NUGGC: variants seen among roughly 807,000 people sequenced by gnomAD.
NUGGC encodes the protein nuclear GTPase SLIP-GC.
NUGGC carries 58 observed loss-of-function variants against 92.6 expected under a neutral mutation model. That is an observed-to-expected ratio of 0.63 (90% CI 0.51 to 0.78). NUGGC has a LOEUF of 0.78. Ranked by LOEUF, NUGGC falls within the 30% of genes least tolerant of loss-of-function variation. NUGGC has a pLI of 0.00. For missense variants in NUGGC, 925 were observed against 964.6 expected (o/e 0.96, Z 0.54); for synonymous variants, 376 against 366.4 (o/e 1.03, Z -0.30).
At chr8:28,073,901 T>A (rs1167272885) in intron 2 of NUGGC, among the ~76,000 whole-genome samples, 1 of 151,974 alleles carries the variant, frequency 6.6e-6, no homozygotes, top group African/African-American at 2.4e-5. Context: ...TGGGTTCAAG[T>A]GATTCTCCTG....
At chr8:28,054,337 C>T (rs1191155664) in intron 10 of NUGGC, among the ~76,000 whole-genome samples, 1 of 152,108 alleles carries the variant, frequency 6.6e-6, no homozygotes, top group South Asian at 2.1e-4. Flanking sequence ...CAAAAATTAG[C>T]TGGGCATAGT....
chr8:28,066,916 T>C (rs1810452531), intron 6 of NUGGC, among the ~76,000 whole-genome samples: 1 of 152,166 alleles, frequency 6.6e-6, no homozygotes, highest in Non-Finnish European at 1.5e-5. Flanking sequence ...GGAAGGGCTG[T>C]GTGGCTCAGT....
At chr8:28,026,359 T>C (rs1052165832) in intron 18 of NUGGC, among the ~76,000 whole-genome samples, 1 of 152,204 alleles carries the variant, frequency 6.6e-6, no homozygotes, top group African/African-American at 2.4e-5. Context: ...GGTTACCCTC[T>C]CCAGTTTATA....
intron 2 of NUGGC, among the ~76,000 whole-genome samples, chr8:28,071,625 T>G (rs1484652517): frequency 6.6e-6 from 1 of 152,182 alleles, no homozygotes; most frequent in African/African-American, 2.4e-5. Flanking sequence ...CCCTTGGTTA[T>G]GAAGTGAAGG....
rs369994361 is a variant in NUGGC at position 28,033,560 on chromosome 8, A to G, written c.1749T>C (p.Pro583=). The G allele has an allele frequency of 1.1e-5, 17 of 1,613,334 alleles. No individual in the cohort carries two copies. Among genetic ancestry groups the G allele is most frequent in the East Asian group, 6.7e-5 (3 of 44,880 alleles). ...LTQPVYDQID[P]VFGSIFRTGK... ...TTTACCTAAAAATGCTTCCAAAAAC[A>G]GGGTCGATCTGGTCATAGACGGGCT... Residue 583 remains proline, a synonymous_variant, in exon 14 of 19, where the codon CCT becomes CCC. Coordinates refer to ENST00000413272, the MANE Select transcript of NUGGC (RefSeq NM_001010906.2).
intron 13 of NUGGC, 134 bp from the exon 14 acceptor site, chr8:28,033,831 A>G (rs1200692198): frequency 3.7e-6 from 3 of 819,932 alleles, no homozygotes; most frequent in Non-Finnish European, 3.9e-6. Context: ...CTTTAAATAT[A>G]TGATTAAACT....
intron 18 of NUGGC, among the ~76,000 whole-genome samples, chr8:28,025,255 C>T (rs1809227568): frequency 6.6e-6 from 1 of 152,222 alleles, no homozygotes; most frequent in South Asian, 2.1e-4. Flanking sequence ...CCAGGTAAGG[C>T]CCTGACAACA....
chr8:28,049,179 C>A (rs1809924948), intron 10 of NUGGC, among the ~76,000 whole-genome samples: 1 of 152,130 alleles, frequency 6.6e-6, no homozygotes, highest in Admixed American at 6.5e-5. Context: ...CCCTGGCAAG[C>A]TATAAGCACG....
chr8:28,073,202 G>A (rs1210559071), intron 2 of NUGGC, among the ~76,000 whole-genome samples: 2 of 140,684 alleles, frequency 1.4e-5, no homozygotes, highest in African/African-American at 2.7e-5. Context: ...TTCCAGTGAT[G>A]AGGTCTTGCT....
intron 18 of NUGGC, among the ~76,000 whole-genome samples, chr8:28,023,901 T>A (rs550310116): frequency 6.6e-6 from 1 of 152,084 alleles, no homozygotes; most frequent in Non-Finnish European, 1.5e-5. Flanking sequence ...GTTCTCACAA[T>A]GGTTAGTTTT....
chr8:28,027,549 T>C lies in NUGGC; in HGVS notation c.2155-497A>G, dbSNP rs546899189. ...CTGAGAAGTGTCTTCTTGCTACTCT[T>C]AGTCCTTTTATCAACTAAAACCCCT... is the stretch of plus-strand genomic sequence containing the variant. On this transcript the variant is annotated intron_variant, in intron 17 of 18. Coordinates refer to ENST00000413272, the MANE Select transcript of NUGGC (RefSeq NM_001010906.2). 1.9e-4 allele frequency among the ~76,000 whole-genome samples: 29 copies of C among 152,344 alleles called. No individual in the cohort carries two copies. In the South Asian group the frequency reaches 6.0e-3, roughly 32 times the overall value.
rs897124236 is a variant in NUGGC, at chr8:28,074,810, G to A, written c.-46-354C>T. On this transcript the variant is annotated intron_variant, in intron 1 of 18. Transcript: ENST00000413272. ...AAAAATTAGCCAGGCGTGGTGGTGG[G>A]TGCCCATAATCCCAGCTACTGGGGA... Among the ~76,000 whole-genome samples the A allele has an allele frequency of 2.6e-5, 4 of 152,260 alleles. No individual in the cohort carries two copies. In the South Asian group the frequency reaches 8.3e-4, roughly 32 times the overall value.
intron 6 of NUGGC, among the ~76,000 whole-genome samples, chr8:28,066,001 C>CCAA (rs369736784): frequency 0.73 from 110,144 of 151,592 alleles, 40,427 homozygotes; most frequent in South Asian, 0.86. Context: ...TTGTAGAAGG[C>CCAA]CTTGATTCTA....
chr8:28,023,411 T>TC lies in NUGGC; in HGVS notation c.2296dup (p.Glu766GlyfsTer37). 1 of 1,613,906 alleles carries TC rather than the reference T, an allele frequency of 6.2e-7. No homozygotes were observed. Among genetic ancestry groups the TC allele is most frequent in the East Asian group, 2.2e-5 (1 of 44,874 alleles). On this transcript the variant is annotated frameshift_variant, in exon 19 of 19. Coordinates refer to ENST00000413272, the MANE Select transcript of NUGGC (RefSeq NM_001010906.2). LOFTEE classifies it high-confidence loss of function. ...CCTCAGCCGTGCATTCTCCGCGACC[T>TC]CCCTCAGGCTTCTGTGCAGCTTCTC...
In NUGGC at chr8:28,031,267, G is replaced by A; in HGVS notation, c.1884C>T (p.Cys628=). ...CCTCCTGGATCAGGAAATTTTTTTT[G>A]CAGCTATCATATTTCCAGCCACTTC... The part of the protein sequence containing the change: ...GIRSGWKYDS[C]KKNFLIQEIS... Residue 628 remains cysteine, a synonymous_variant, in exon 15 of 19, where the codon TGC becomes TGT. Transcript: ENST00000413272. 6.2e-7 allele frequency: 1 copy of A among 1,613,762 alleles called. No homozygotes were observed. The highest frequency in any genetic ancestry group is 8.5e-7 in the Non-Finnish European group (1 of 1,179,782).
In NUGGC at chr8:28,046,427, T is replaced by A. The variant is rs561976531; in HGVS notation, c.1313-767A>T. Among the ~76,000 whole-genome samples, 81 of 152,252 alleles carry A rather than the reference T, an allele frequency of 5.3e-4. 2 individuals are homozygous for A. The South Asian group carries it at 0.016, about 29-fold the overall frequency. On this transcript the variant is annotated intron_variant, in intron 11 of 18. Transcript: ENST00000413272. ...GCCTGCCCACCCACTTTCCACTGAG[T>A]ATCTAGCGCACGCAGAGCTCTAGGT...
chr8:28,065,219 G>A (rs1810410764), intron 6 of NUGGC, among the ~76,000 whole-genome samples: 1 of 143,080 alleles, frequency 7.0e-6, no homozygotes, highest in Non-Finnish European at 1.5e-5. Context: ...GGAGTGCAGT[G>A]GTGCGATCTC....
rs750368629 is a variant in NUGGC at position 28,064,521 on chromosome 8, C to T, written c.921+1G>A. On this transcript the variant is annotated splice_donor_variant, in intron 7 of 18. Transcript: ENST00000413272. LOFTEE classifies it high-confidence loss of function. ...GAACTAAACCTACGAAAGACAGTCACCTTTTTCCACATCTCGTCCCTCTTG... is the reference window on the plus strand; with the variant it reads ...GAACTAAACCTACGAAAGACAGTCATCTTTTTCCACATCTCGTCCCTCTTG... The T allele has an allele frequency of 6.2e-7, 1 of 1,613,824 alleles. No individual in the cohort carries two copies.
At chr8:28,083,456 C>A (rs1457196585) in intron 1 of NUGGC, among the ~76,000 whole-genome samples, 2 of 152,132 alleles carry the variant, frequency 1.3e-5, no homozygotes, top group Non-Finnish European at 2.9e-5. Flanking sequence ...CTAAGAGGAG[C>A]CTAAGGGAAC....
Sources: allele counts gnomAD v4.1 joint callset (sites outside exome capture counted in the v4.1 genomes callset), GRCh38; gene constraint gnomAD v4.1.1; transcripts MANE v1.5; gene names NCBI Gene and HGNC (gene_info 2026-07-23, HGNC 2026-07-21).